Variants in ZC3H12B observed in about 807,000 individuals in gnomAD.
The protein encoded by ZC3H12B is probable ribonuclease ZC3H12B.
Under a neutral mutation model 43.9 loss-of-function variants are expected in ZC3H12B, and 7 were observed. The observed-to-expected ratio is 0.16, with a 90% confidence interval of 0.09 to 0.30. The LOEUF is 0.30. Among genes scored for constraint, ZC3H12B ranks in the 10% least tolerant of loss-of-function variants. The pLI is 1.00. For missense variants in ZC3H12B, 475 were observed against 670.2 expected (o/e 0.71, Z 3.22); for synonymous variants, 222 against 241.7 (o/e 0.92, Z 0.76).
the ZC3H12B span, among the ~76,000 whole-genome samples, chrX:65,228,532 A>T: frequency 9.0e-6 from 1 of 110,992 alleles, no homozygotes; most frequent in Non-Finnish European, 1.9e-5. Flanking sequence ...AGTTCTGGCC[A>T]GGGCAATTAG....
chrX:65,085,627 C>T, the ZC3H12B span, among the ~76,000 whole-genome samples: 6 of 109,803 alleles, frequency 5.5e-5, no homozygotes, highest in Non-Finnish European at 7.6e-5. Flanking sequence ...AAAAAATTAG[C>T]CAGGCCTGGT....
chrX:65,186,896 G>A, the ZC3H12B span, among the ~76,000 whole-genome samples: 3 of 111,712 alleles, frequency 2.7e-5, no homozygotes, highest in Non-Finnish European at 3.8e-5. Context: ...AGTATTCCAT[G>A]GTATATATAT....
the ZC3H12B span, among the ~76,000 whole-genome samples, chrX:65,359,078 T>C: frequency 9.0e-6 from 1 of 111,109 alleles, no homozygotes; most frequent in African/African-American, 3.3e-5. Flanking sequence ...AACAACCAAG[T>C]CCATATAACA....
chrX:65,384,488 T>A (rs112364534), intron 2 of ZC3H12B, among the ~76,000 whole-genome samples: 1 of 111,009 alleles, frequency 9.0e-6, no homozygotes. Context: ...ATTGTGCACA[T>A]GTACCCTAAA....
intron 3 of ZC3H12B, among the ~76,000 whole-genome samples, chrX:65,414,722 G>A (rs929400517): frequency 8.1e-5 from 9 of 111,213 alleles, no homozygotes; most frequent in Non-Finnish European, 1.3e-4. Flanking sequence ...CTCTACCTTC[G>A]CTTCTTTTTT....
chrX:65,438,255 T>A (rs1399541792), intron 3 of ZC3H12B, among the ~76,000 whole-genome samples: 2 of 112,103 alleles, frequency 1.8e-5, no homozygotes, highest in Admixed American at 1.9e-4. Flanking sequence ...TTTATTTCTG[T>A]GAAGAATGTC....
At chrX:65,470,939 A>G (rs2067903306) in intron 3 of ZC3H12B, among the ~76,000 whole-genome samples, 1 of 111,974 alleles carries the variant, frequency 8.9e-6, no homozygotes, top group Admixed American at 9.5e-5. Flanking sequence ...GGCTTGTGTT[A>G]TGGCCTATCA....
the ZC3H12B span, among the ~76,000 whole-genome samples, chrX:65,287,014 A>G: frequency 1.8e-5 from 2 of 111,274 alleles, no homozygotes; most frequent in Non-Finnish European, 3.8e-5. Context: ...TAAGTACCCA[A>G]CACCGGTGCA....
chrX:65,247,150 C>T, the ZC3H12B span, among the ~76,000 whole-genome samples: 3 of 112,247 alleles, frequency 2.7e-5, no homozygotes, highest in African/African-American at 9.7e-5. Context: ...CTCAACATCA[C>T]TGATTATTAG....
At chrX:65,196,156 G>C in the ZC3H12B span, among the ~76,000 whole-genome samples, 2 of 95,673 alleles carry the variant, frequency 2.1e-5, no homozygotes, top group Non-Finnish European at 4.1e-5. Context: ...CCCCTCGAAA[G>C]GTGCGCTGCC....
chrX:65,153,607 T>C, the ZC3H12B span, among the ~76,000 whole-genome samples: 8 of 111,707 alleles, frequency 7.2e-5, no homozygotes, highest in East Asian at 2.3e-3. Context: ...TGTGGAGAAA[T>C]AGGAACACTT....
intron 3 of ZC3H12B, among the ~76,000 whole-genome samples, chrX:65,462,891 A>T (rs1288706623): frequency 1.8e-5 from 2 of 112,568 alleles, no homozygotes; most frequent in African/African-American, 3.2e-5. Context: ...GGTGGATTGG[A>T]TATAGAAAAT....
At chrX:65,223,280 T>C in the ZC3H12B span, among the ~76,000 whole-genome samples, 1 of 109,774 alleles carries the variant, frequency 9.1e-6, no homozygotes, top group Non-Finnish European at 1.9e-5. Context: ...CTCCAGCCTA[T>C]GTGATAGAGG....
At chrX:65,372,813 A>C (rs1295192349) in intron 2 of ZC3H12B, among the ~76,000 whole-genome samples, 2 of 112,512 alleles carry the variant, frequency 1.8e-5, no homozygotes, top group Non-Finnish European at 3.8e-5. Context: ...TCAGATAGGA[A>C]TCAAATTCAT....
chrX:65,058,293 T>A, the ZC3H12B span, among the ~76,000 whole-genome samples: 1 of 112,354 alleles, frequency 8.9e-6, no homozygotes, highest in Non-Finnish European at 1.9e-5. Context: ...TTTTCCTTCT[T>A]ACAGTCAGGA....
the ZC3H12B span, among the ~76,000 whole-genome samples, chrX:65,262,776 G>A: frequency 9.0e-6 from 1 of 110,531 alleles, no homozygotes; most frequent in African/African-American, 3.3e-5. Flanking sequence ...ACAGTCTATT[G>A]TATTCATTAA....
chrX:65,225,211 G>T, the ZC3H12B span, among the ~76,000 whole-genome samples: 3 of 111,975 alleles, frequency 2.7e-5, no homozygotes, highest in Non-Finnish European at 5.6e-5. Context: ...CAGCATTCGC[G>T]GTTCACGAAA....
At chrX:65,211,789 A>C in the ZC3H12B span, among the ~76,000 whole-genome samples, 2 of 82,936 alleles carry the variant, frequency 2.4e-5, no homozygotes, top group African/African-American at 9.5e-5. Context: ...TATATTATAA[A>C]TATTATGTAT....
chrX:65,372,282 G>A (rs1440554884), intron 2 of ZC3H12B, among the ~76,000 whole-genome samples: 1 of 111,776 alleles, frequency 8.9e-6, no homozygotes, highest in Non-Finnish European at 1.9e-5. Context: ...ATATGTAGAA[G>A]CCTAGTGCTC....
Sources: allele counts gnomAD v4.1 joint callset (sites outside exome capture counted in the v4.1 genomes callset), GRCh38; gene constraint gnomAD v4.1.1; transcripts MANE v1.5; gene names NCBI Gene and HGNC (gene_info 2026-07-23, HGNC 2026-07-21).